Variants in KIAA1671 observed in about 807,000 individuals in gnomAD.
KIAA1671 encodes the protein uncharacterized protein KIAA1671.
Under a neutral mutation model 131.2 loss-of-function variants are expected in KIAA1671, and 52 were observed. That is an observed-to-expected ratio of 0.40 (90% CI 0.32 to 0.50). The LOEUF (loss-of-function observed/expected upper bound fraction) is 0.50, where lower values mean the gene tolerates loss of function less well. KIAA1671 is among the 20% of genes least tolerant of loss of function. KIAA1671 has a pLI of 0.73. For synonymous variants in KIAA1671, 1,003 were observed against 961.6 expected, an observed-to-expected ratio of 1.04 and a Z score of -0.80; for missense variants, 2,360 against 2,364.2, an observed-to-expected ratio of 1.00 and a Z score of 0.04.
intron 11 of KIAA1671, among the ~76,000 whole-genome samples, chr22:25,188,740 G>T (rs960938652): frequency 1.2e-4 from 18 of 152,130 alleles, no homozygotes; most frequent in African/African-American, 4.3e-4. Flanking sequence ...TATATTTCCT[G>T]TTCATTAAGT....
chr22:25,027,287 C>T (rs934884980), intron 2 of KIAA1671, among the ~76,000 whole-genome samples: 1 of 152,112 alleles, frequency 6.6e-6, no homozygotes, highest in Non-Finnish European at 1.5e-5. Flanking sequence ...GGGGTTGGTG[C>T]CTAGGGCATG....
At chr22:25,030,524 GACTCCGT>G (rs2145790676) in intron 3 of KIAA1671, among the ~76,000 whole-genome samples, 1 of 150,754 alleles carries the variant, frequency 6.6e-6, no homozygotes, top group Non-Finnish European at 1.5e-5. Flanking sequence ...AACAGAGCAA[GACTCCGT>G]CTCAAAAAAA....
intron 4 of KIAA1671, among the ~76,000 whole-genome samples, chr22:25,033,580 T>TG (rs1360001914): frequency 8.6e-6 from 1 of 116,184 alleles, no homozygotes; most frequent in Non-Finnish European, 1.8e-5. Context: ...TTTCGTTTTT[T>TG]TTTTTTTTTT....
At chr22:25,138,624 ATC>A (rs1271525389) in intron 6 of KIAA1671, among the ~76,000 whole-genome samples, 1 of 152,166 alleles carries the variant, frequency 6.6e-6, no homozygotes, top group Non-Finnish European at 1.5e-5. Context: ...GTACAGCCCC[ATC>A]TCTGATTTTG....
Position 25,039,110 on chromosome 22 carries a change from G to A in KIAA1671, c.1980G>A (p.Arg660=). The change falls in exon 5 of 13, where the codon AGG becomes AGA. Residue 660 remains arginine (R), a synonymous_variant. Transcript: ENST00000358431. The part of the protein sequence containing the change: ...PRPEMGSWLG[R]DPPDMTKLKK... Reference sequence around the variant, plus strand: ...CTGAGATGGGCTCTTGGCTGGGCAGGGACCCACCAGACATGACAAAACTGA... The same window carrying A: ...CTGAGATGGGCTCTTGGCTGGGCAGAGACCCACCAGACATGACAAAACTGA... The A allele has an allele frequency of 6.4e-7, 1 of 1,551,444 alleles. No homozygotes were observed. Among genetic ancestry groups the A allele is most frequent in the Non-Finnish European group, 8.7e-7 (1 of 1,147,006 alleles).
chr22:25,046,254 A>T (rs1310868009), intron 5 of KIAA1671, among the ~76,000 whole-genome samples: 12 of 152,068 alleles, frequency 7.9e-5, no homozygotes, highest in Non-Finnish European at 1.5e-5. Flanking sequence ...GTGAGCGGAG[A>T]TCGTGCCACT....
intron 1 of KIAA1671, among the ~76,000 whole-genome samples, chr22:24,976,777 A>G (rs905163322): frequency 7.2e-5 from 11 of 152,048 alleles, no homozygotes; most frequent in African/African-American, 2.7e-4. Context: ...GTCTCGTGCA[A>G]GAGACGCACT....
intron 6 of KIAA1671, among the ~76,000 whole-genome samples, chr22:25,132,201 A>G (rs1177888834): frequency 6.6e-6 from 1 of 152,176 alleles, no homozygotes; most frequent in African/African-American, 2.4e-5. Flanking sequence ...AACCTTTACT[A>G]AAGCTCTCAC....
At chr22:25,006,446 G>A (rs1288742282) in intron 1 of KIAA1671, among the ~76,000 whole-genome samples, 1 of 152,106 alleles carries the variant, frequency 6.6e-6, no homozygotes, top group Non-Finnish European at 1.5e-5. Context: ...ATTGGGAATG[G>A]GGGAATTAAG....
In KIAA1671 at chr22:25,194,279, T is replaced by C. The variant is rs1040831731; in HGVS notation, c.*1878T>C. Reference sequence around the variant, plus strand: ...TTGTAGAGACAAGGGTCTTACCATGTTGCCCAGGCTGGTCTCGAACTTCTG... The same window carrying C: ...TTGTAGAGACAAGGGTCTTACCATGCTGCCCAGGCTGGTCTCGAACTTCTG... On this transcript the variant is annotated 3_prime_UTR_variant, in exon 13 of 13. Coordinates refer to ENST00000358431, the MANE Select transcript of KIAA1671 (RefSeq NM_001145206.2). 2.0e-5 allele frequency: 3 copies of C among 152,256 alleles called. No homozygotes were observed. Among genetic ancestry groups the C allele is most frequent in the African/African-American group, 7.2e-5 (3 of 41,430 alleles). The allele number at this position is 152,256 out of a possible 1,614,324, so 9.4% of individuals were successfully genotyped here. A position where few individuals can be genotyped will look rare whatever the true frequency, so the allele number is the denominator to read the frequency against.
At position 25,040,481 on chromosome 22, in the gene KIAA1671, G is replaced by A; in HGVS notation, c.3351G>A (p.Leu1117=). The part of the protein sequence containing the change: ...DRPSSLGAWS[L]DPFNGRIIDV... ...CATCATCTCTTGGGGCCTGGAGTCTGGACCCTTTCAATGGAAGAATCATTG... is the reference window on the plus strand; with the variant it reads ...CATCATCTCTTGGGGCCTGGAGTCTAGACCCTTTCAATGGAAGAATCATTG... Residue 1117 remains leucine, a synonymous_variant, in exon 5 of 13, where the codon CTG becomes CTA. Transcript: ENST00000358431. 1 of 1,551,968 alleles carries A rather than the reference G, an allele frequency of 6.4e-7. No homozygotes were observed. The highest frequency in any genetic ancestry group is 8.7e-7 in the Non-Finnish European group (1 of 1,147,038).
chr22:25,099,296 G>C (rs1930535656), intron 6 of KIAA1671, among the ~76,000 whole-genome samples: 1 of 152,114 alleles, frequency 6.6e-6, no homozygotes. Flanking sequence ...CTCAGAGAAG[G>C]TAAGCTACTT....
At chr22:25,007,587 G>A (rs1257856565) in intron 1 of KIAA1671, among the ~76,000 whole-genome samples, 1 of 151,980 alleles carries the variant, frequency 6.6e-6, no homozygotes, top group Admixed American at 6.6e-5. Context: ...CTGAAGACTA[G>A]CTGAAACAGG....
At chr22:25,112,962 C>G (rs1931443655) in intron 6 of KIAA1671, among the ~76,000 whole-genome samples, 1 of 151,916 alleles carries the variant, frequency 6.6e-6, no homozygotes, top group Non-Finnish European at 1.5e-5. Flanking sequence ...GGCGAGTTTG[C>G]CCGCTGGCCG....
intron 6 of KIAA1671, among the ~76,000 whole-genome samples, chr22:25,157,449 C>T (rs1933281801): frequency 6.6e-6 from 1 of 152,182 alleles, no homozygotes. Flanking sequence ...TTATGTCTGC[C>T]TCATTCTTTT....
At chr22:25,143,080 C>T (rs1460671572) in intron 6 of KIAA1671, among the ~76,000 whole-genome samples, 1 of 152,222 alleles carries the variant, frequency 6.6e-6, no homozygotes, top group African/African-American at 2.4e-5. Context: ...CAAGCCTTCA[C>T]CCTTTTCCCA....
chr22:25,153,056 C>T (rs192444831), intron 6 of KIAA1671, among the ~76,000 whole-genome samples: 23 of 152,236 alleles, frequency 1.5e-4, no homozygotes, highest in Admixed American at 1.2e-3. Flanking sequence ...CCTAAGGGGC[C>T]TTTCTAAACA....
chr22:25,002,763 C>G (rs911974663), intron 1 of KIAA1671, among the ~76,000 whole-genome samples: 4 of 151,378 alleles, frequency 2.6e-5, no homozygotes, highest in African/African-American at 7.3e-5. Flanking sequence ...GTCCATTGAA[C>G]TTTGTGTTTT....
intron 6 of KIAA1671, among the ~76,000 whole-genome samples, chr22:25,094,852 C>A (rs765827693): frequency 3.3e-5 from 5 of 152,092 alleles, no homozygotes; most frequent in Non-Finnish European, 7.4e-5. Context: ...GGAAGCCAGC[C>A]CTTCCTTCCT....
Sources: allele counts gnomAD v4.1 joint callset (sites outside exome capture counted in the v4.1 genomes callset), GRCh38; gene constraint gnomAD v4.1.1; transcripts MANE v1.5; gene names NCBI Gene and HGNC (gene_info 2026-07-23, HGNC 2026-07-21).